SLC45A4: variants seen among roughly 807,000 people sequenced by gnomAD.
SLC45A4 encodes the protein polyamine-transporter SLC45A4.
Under a neutral mutation model 63.7 loss-of-function variants are expected in SLC45A4, and 32 were observed. The observed-to-expected ratio is 0.50, with a 90% confidence interval of 0.38 to 0.67. The LOEUF (loss-of-function observed/expected upper bound fraction) is 0.67, where lower values mean the gene tolerates loss of function less well. Among genes scored for constraint, SLC45A4 ranks in the 30% least tolerant of loss-of-function variants. The pLI is 0.00. For missense variants in SLC45A4, 1,027 were observed against 1,157.7 expected (o/e 0.89, Z 1.64); for synonymous variants, 535 against 510.0 (o/e 1.05, Z -0.66).
chr8:141,236,041 T>G (rs1589796365), intron 2 of SLC45A4, among the ~76,000 whole-genome samples: 1 of 151,880 alleles, frequency 6.6e-6, no homozygotes, highest in South Asian at 2.1e-4. Flanking sequence ...GAGGTGGAGG[T>G]TGCAGTGAGC....
chr8:141,291,859 G>GAA (rs960881725), intron 1 of SLC45A4, among the ~76,000 whole-genome samples: 3 of 152,148 alleles, frequency 2.0e-5, no homozygotes, highest in Non-Finnish European at 4.4e-5. Context: ...GACTGAGCTA[G>GAA]AAAAAAACAG....
chr8:141,289,818 G>T (rs1023134244), intron 1 of SLC45A4, among the ~76,000 whole-genome samples: 3 of 152,012 alleles, frequency 2.0e-5, no homozygotes, highest in Non-Finnish European at 4.4e-5. Flanking sequence ...GTAAGGCAAG[G>T]CCTCACCACC....
intron 2 of SLC45A4, among the ~76,000 whole-genome samples, chr8:141,237,595 CCTGGAGGGCCTCCAGGG>C (rs1827695102): frequency 1.3e-5 from 2 of 152,126 alleles, no homozygotes; most frequent in Non-Finnish European, 2.9e-5. Flanking sequence ...CTCCTCCAGA[CCTGGAGGGCCTCCAGGG>C]CAAAAATCAC....
In SLC45A4 at chr8:141,254,866, G is replaced by T. The variant is rs1045684302; in HGVS notation, c.-400-237C>A. 7 of 425,168 alleles carry T rather than the reference G, an allele frequency of 1.6e-5. No homozygotes were observed. The highest frequency in any genetic ancestry group is 3.2e-5 in the Non-Finnish European group (7 of 220,936). 26.3% of individuals were successfully genotyped at this position (425,168 alleles called of 1,614,324 possible). ...GAAGGACAAAGGTGGGGCAATCAAG[G>T]AAAGCAGGATCAAAGAACAGACAGA... On this transcript the variant is annotated intron_variant, in intron 1 of 8. Coordinates refer to ENST00000517878, the MANE Select transcript of SLC45A4 (RefSeq NM_001286646.2). The surrounding 1 kb of genome is among the most constrained non-coding windows in gnomAD (Gnocchi z 4.5).
At chr8:141,240,514 C>T (rs1435831326) in intron 2 of SLC45A4, among the ~76,000 whole-genome samples, 1 of 152,188 alleles carries the variant, frequency 6.6e-6, no homozygotes, top group Non-Finnish European at 1.5e-5. Context: ...GGGGCTGGCT[C>T]TTTGGAAAGG....
chr8:141,264,695 C>G (rs1411680641), intron 1 of SLC45A4, among the ~76,000 whole-genome samples: 1 of 152,212 alleles, frequency 6.6e-6, no homozygotes, highest in Non-Finnish European at 1.5e-5. Context: ...CTGTCCAAGT[C>G]CACCCTGACG....
At chr8:141,301,532 AGGCCAGGAGTTCATGACCGGCCTG>A (rs1353672419) in intron 1 of SLC45A4, among the ~76,000 whole-genome samples, 1 of 151,926 alleles carries the variant, frequency 6.6e-6, no homozygotes, top group Non-Finnish European at 1.5e-5. Flanking sequence ...GGGTCGCTTG[AGGCCAGGAGTTCATGACCGGCCTG>A]GGCAACATGG....
At chr8:141,259,843 A>C (rs1589825653) in intron 1 of SLC45A4, among the ~76,000 whole-genome samples, 1 of 152,218 alleles carries the variant, frequency 6.6e-6, no homozygotes, top group African/African-American at 2.4e-5. Context: ...GCCACACAGC[A>C]AGAGCTTGAC....
At chr8:141,291,909 C>T (rs919872) in intron 1 of SLC45A4, among the ~76,000 whole-genome samples, 144,471 of 152,344 alleles carry the variant, frequency 0.95, 68,991 homozygotes, top group Middle Eastern at 1. Flanking sequence ...AAGCACAGGC[C>T]GTCCTCCAGA....
chr8:141,214,724 G>A (rs1826034178), intron 7 of SLC45A4, among the ~76,000 whole-genome samples: 1 of 152,164 alleles, frequency 6.6e-6, no homozygotes, highest in Admixed American at 6.5e-5. Flanking sequence ...ATTTGTGCAA[G>A]AATAGAGAGA....
chr8:141,217,010 G>A, intron 6 of SLC45A4, 80 bp downstream of exon 6: 1 of 1,419,960 alleles, frequency 7.0e-7, no homozygotes, highest in Non-Finnish European at 9.9e-7. Flanking sequence ...AGCTTCTAAG[G>A]TGCAGGATTC....
At chr8:141,241,352 C>G (rs1432381592) in intron 2 of SLC45A4, among the ~76,000 whole-genome samples, 1 of 151,954 alleles carries the variant, frequency 6.6e-6, no homozygotes, top group East Asian at 1.9e-4. Flanking sequence ...TGGCGAGGTC[C>G]AAGGACGCTT....
At position 141,212,205 on chromosome 8, in the gene SLC45A4, C is replaced by G. The variant is rs368838052; in HGVS notation, c.2293G>C (p.Glu765Gln). ...GGGAGTGCGGCTCAGACCACGGACT[C>G]TGTCTCCACCGGTCCCTGCAGGCCC... ...KEGLQGPVET[E>Q]SVTPAGIDVC... Residue 765 changes from glutamate to glutamine, a missense_variant, in exon 8 of 9, where the codon GAG becomes CAG. Coordinates refer to ENST00000517878, the MANE Select transcript of SLC45A4 (RefSeq NM_001286646.2). 3.1e-5 allele frequency: 47 copies of G among 1,507,724 alleles called. 2 individuals carry two copies. In the South Asian group the frequency reaches 3.6e-4, roughly 11 times the overall value. The allele number at this position is 1,507,724 out of a possible 1,614,324, so 93.4% of individuals were successfully genotyped here.
intron 2 of SLC45A4, 54 bp downstream of exon 2, chr8:141,253,935 G>A: frequency 3.3e-6 from 5 of 1,526,922 alleles, no homozygotes; most frequent in Non-Finnish European, 3.5e-6. Context: ...GCCACGCCCA[G>A]TCCGCTAGCA....
chr8:141,228,543 A>C, intron 2 of SLC45A4: 1 of 1,279,066 alleles, frequency 7.8e-7, no homozygotes. Flanking sequence ...CACTCCCCGC[A>C]GCTGGAGCAT....
At chr8:141,263,027 T>C (rs1214665149) in intron 1 of SLC45A4, among the ~76,000 whole-genome samples, 5 of 151,618 alleles carry the variant, frequency 3.3e-5, no homozygotes, top group African/African-American at 1.2e-4. Flanking sequence ...TGGAATACTA[T>C]GCAGCCATAA....
intron 1 of SLC45A4, among the ~76,000 whole-genome samples, chr8:141,259,534 TTGCATCTCCTCC>T (rs1053823155): frequency 8.5e-5 from 13 of 152,080 alleles, no homozygotes; most frequent in Admixed American, 6.5e-5. Flanking sequence ...GCATCTCCTC[TTGCATCTCCTCC>T]CGTGCATCTC....
rs376047446 is a variant in SLC45A4 at position 141,277,141 on chromosome 8, C to T, written c.-400-22512G>A. Among the ~76,000 whole-genome samples the T allele has an allele frequency of 5.3e-5, 8 of 152,346 alleles. No individual in the cohort carries two copies. The East Asian group carries it at 5.8e-4, about 11-fold the overall frequency. ...ACAGATGGGTGCGCCACGATGGCAA[C>T]GGGCAATGCAAAGCCACACACGCCG... On this transcript the variant is annotated intron_variant, in intron 1 of 8. Transcript: ENST00000517878.
At chr8:141,246,717 C>T (rs1828224165) in intron 2 of SLC45A4, among the ~76,000 whole-genome samples, 1 of 131,754 alleles carries the variant, frequency 7.6e-6, no homozygotes, top group South Asian at 2.4e-4. Context: ...CCTGACCCCT[C>T]TGTGTAACAG....
Sources: allele counts gnomAD v4.1 joint callset (sites outside exome capture counted in the v4.1 genomes callset), GRCh38; gene constraint gnomAD v4.1.1; non-coding constraint Gnocchi (gnomAD v3.1); transcripts MANE v1.5; gene names NCBI Gene and HGNC (gene_info 2026-07-23, HGNC 2026-07-21).